The following TANC1 variants were observed in gnomAD, a reference collection of about 807,000 sequenced individuals.
TANC1 encodes tetratricopeptide repeat, ankyrin repeat and coiled-coil containing 1, also known as protein TANC1.
TANC1 carries 77 observed loss-of-function variants against 149.7 expected under a neutral mutation model. The observed-to-expected ratio is 0.51, with a 90% confidence interval of 0.43 to 0.62. The LOEUF (loss-of-function observed/expected upper bound fraction) is 0.62, where lower values mean the gene tolerates loss of function less well. TANC1 is among the 20% of genes least tolerant of loss of function. The probability of loss-of-function intolerance (pLI) is 0.00; values close to 1 mark genes in which losing one functional copy is unlikely to be tolerated. For synonymous variants in TANC1, 854 were observed against 925.0 expected (o/e 0.92, Z 1.39); for missense variants, 1,985 against 2,321.8 (o/e 0.85, Z 2.98).
chr2:159,029,242 C>G (rs1297371517), intron 2 of TANC1, among the ~76,000 whole-genome samples: 11 of 152,116 alleles, frequency 7.2e-5, no homozygotes, highest in Admixed American at 5.9e-4. Flanking sequence ...ATCCATTTAT[C>G]TGTTAGTGAA....
chr2:159,087,151 G>T (rs892242914), intron 3 of TANC1, among the ~76,000 whole-genome samples: 1 of 112,756 alleles, frequency 8.9e-6, no homozygotes, highest in Non-Finnish European at 2.0e-5. Flanking sequence ...GGTTCAAAAA[G>T]CCCGTTCCTG....
At chr2:158,998,508 C>G (rs189227071) in intron 1 of TANC1, among the ~76,000 whole-genome samples, 96 of 152,318 alleles carry the variant, frequency 6.3e-4, no homozygotes, top group African/African-American at 2.1e-3. Flanking sequence ...AGCCACAGCA[C>G]AGTTGACGCT....
At position 159,219,458 on chromosome 2, in the gene TANC1, C is replaced by G. The variant is rs1004818915; in HGVS notation, c.3502+97C>G. On this transcript the variant is annotated intron_variant, in intron 21 of 26. Transcript: ENST00000263635. ...CTTTCTGATTCAAATTCTAAGTTTT[C>G]TGTTAATGGAAATTTTCTAATAAAC... is the stretch of plus-strand genomic sequence containing the variant. The G allele has an allele frequency of 2.6e-6, 4 of 1,544,126 alleles. No homozygotes were observed. In the Admixed American group the frequency reaches 5.4e-5, roughly 21 times the overall value.
intron 2 of TANC1, among the ~76,000 whole-genome samples, chr2:159,055,542 CT>C (rs1265596757): frequency 6.6e-6 from 1 of 152,178 alleles, no homozygotes; most frequent in Non-Finnish European, 1.5e-5. Context: ...ATCCTGTGGG[CT>C]TTATCATTGT....
intron 4 of TANC1, among the ~76,000 whole-genome samples, chr2:159,133,266 A>G (rs898755689): frequency 2.0e-5 from 3 of 152,056 alleles, no homozygotes; most frequent in Middle Eastern, 3.4e-3. Context: ...AAGGGAAAAT[A>G]TGTCAGCAGT....
chr2:159,170,656 A>G lies in TANC1; in HGVS notation c.1202A>G (p.Asn401Ser), dbSNP rs369851866. The G allele has an allele frequency of 2.2e-5, 35 of 1,614,058 alleles. 1 individual carries two copies. The Middle Eastern group carries it at 4.9e-4, about 23-fold the overall frequency. ...CACCAGATAGAAGAAAACTTGAGGA[A>G]CACAGAACTGGCAGAAAACAGAGGC... ...LFHQIEENLR[N>S]TELAENRGAV... Residue 401 changes from asparagine (N) to serine (S), a missense_variant, in exon 10 of 27, where the codon AAC (asparagine) becomes AGC (serine). By Grantham distance (46) the Asn-to-Ser change is conservative. Transcript: ENST00000263635.
At chr2:159,032,539 G>C (rs137879128) in intron 2 of TANC1, among the ~76,000 whole-genome samples, 1 of 152,148 alleles carries the variant, frequency 6.6e-6, no homozygotes, top group African/African-American at 2.4e-5. Flanking sequence ...ATGCATTTGG[G>C]GATTGAAAGG....
intron 2 of TANC1, chr2:159,004,330 G>A: frequency 6.2e-7 from 1 of 1,611,368 alleles, no homozygotes; most frequent in Non-Finnish European, 8.5e-7. Flanking sequence ...TAAAAGTTTG[G>A]TTTTTGGAAG....
chr2:159,194,074 C>T (rs1043509448), intron 16 of TANC1, among the ~76,000 whole-genome samples, 183 bp from the exon 17 acceptor site: 1 of 152,200 alleles, frequency 6.6e-6, no homozygotes, highest in South Asian at 2.1e-4. Context: ...GTAAGCTACA[C>T]TATTTTACAT....
At chr2:159,222,780 G>T (rs569489013) in intron 22 of TANC1, among the ~76,000 whole-genome samples, 3 of 152,204 alleles carry the variant, frequency 2.0e-5, no homozygotes, top group Non-Finnish European at 2.9e-5. Context: ...GGCTCATATA[G>T]TGATTGTATT....
chr2:159,161,632 C>T (rs1461791014), intron 7 of TANC1, among the ~76,000 whole-genome samples: 10 of 152,308 alleles, frequency 6.6e-5, no homozygotes, highest in Admixed American at 5.9e-4. Context: ...TCAACACCAC[C>T]ATTGGCATTT....
chr2:158,982,167 C>T (rs893161265), intron 1 of TANC1, among the ~76,000 whole-genome samples: 7 of 152,240 alleles, frequency 4.6e-5, no homozygotes, highest in African/African-American at 1.7e-4. Flanking sequence ...TCATAAGCAG[C>T]TCCCAGCGCA....
chr2:159,229,522 C>G (rs568043663), intron 26 of TANC1, 56 bp from the exon 27 acceptor site: 1 of 1,366,470 alleles, frequency 7.3e-7, no homozygotes, highest in South Asian at 1.3e-5. Context: ...TGAACAGTTA[C>G]ACTCTGAGCA....
intron 2 of TANC1, among the ~76,000 whole-genome samples, chr2:159,059,085 G>A (rs892028247): frequency 8.6e-6 from 1 of 115,644 alleles, no homozygotes; most frequent in Non-Finnish European, 1.9e-5. Context: ...AAACTATAAA[G>A]AATAGAATAG....
chr2:158,970,736 T>C (rs1295119090), intron 1 of TANC1, among the ~76,000 whole-genome samples: 1 of 152,204 alleles, frequency 6.6e-6, no homozygotes, highest in African/African-American at 2.4e-5. Context: ...TTCCGGACTG[T>C]TGTGATTTGA....
chr2:159,101,844 T>C, intron 4 of TANC1, among the ~76,000 whole-genome samples: 1 of 152,136 alleles, frequency 6.6e-6, no homozygotes, highest in East Asian at 1.9e-4. Context: ...AAGCAACCCT[T>C]TGAAATGCTG....
intron 2 of TANC1, among the ~76,000 whole-genome samples, chr2:159,063,927 G>T (rs193064988): frequency 3.9e-5 from 6 of 152,274 alleles, no homozygotes; most frequent in Admixed American, 1.3e-4. Flanking sequence ...TCATGGATGT[G>T]GTGGGGCCTG....
chr2:159,114,131 G>C lies in TANC1; in HGVS notation c.259+16297G>C, dbSNP rs569178359. Among the ~76,000 whole-genome samples, 10 of 152,284 alleles carry C rather than the reference G, an allele frequency of 6.6e-5. No individual in the cohort carries two copies. The East Asian group carries it at 1.7e-3, about 26-fold the overall frequency. ...TGATAAAGATCAGTGAGAGCACAAG[G>C]AACCAAGTTTTAGAGGAGTGTGAAA... is the stretch of plus-strand genomic sequence containing the variant. On this transcript the variant is annotated intron_variant, in intron 4 of 26. Transcript: ENST00000263635.
chr2:159,197,604 AACAC>A (rs35552387), intron 18 of TANC1, among the ~76,000 whole-genome samples: 1,719 of 143,828 alleles, frequency 0.012, 40 homozygotes, highest in African/African-American at 0.038. Flanking sequence ...TTAAACATTA[AACAC>A]ACACACACAC....
Sources: gnomAD v4.1 joint callset for allele counts (sites outside exome capture counted in the v4.1 genomes callset) on GRCh38, gnomAD v4.1.1 for gene constraint, MANE v1.5 for transcripts, NCBI Gene and HGNC (gene_info 2026-07-23, HGNC 2026-07-21) for gene names.